The following DOCK9 variants were observed in gnomAD, a reference collection of about 807,000 sequenced individuals.
DOCK9 encodes the protein dedicator of cytokinesis 9.
DOCK9 carries 89 observed loss-of-function variants against 263.3 expected under a neutral mutation model. The observed-to-expected ratio is 0.34, with a 90% CI of 0.28 to 0.40. DOCK9 has a LOEUF of 0.40. Among genes scored for constraint, DOCK9 ranks in the 10% least tolerant of loss-of-function variants. DOCK9 has a pLI of 1.00. For synonymous variants in DOCK9, 976 were observed against 973.1 expected (o/e 1.00, Z -0.06); for missense variants, 2,140 against 2,603.4 (o/e 0.82, Z 3.87).
intron 1 of DOCK9, among the ~76,000 whole-genome samples, chr13:99,054,792 T>C (rs958534395): frequency 3.3e-5 from 5 of 152,190 alleles, no homozygotes; most frequent in African/African-American, 1.2e-4. Flanking sequence ...CAGGCTGAAG[T>C]TAAGGGATGA....
intron 45 of DOCK9, among the ~76,000 whole-genome samples, chr13:98,816,079 GC>G (rs1235040014): frequency 6.6e-6 from 1 of 152,068 alleles, no homozygotes; most frequent in African/African-American, 2.4e-5. Context: ...TATTTATCAA[GC>G]ATCTACTACA....
chr13:99,047,549 C>T (rs1384622292), intron 1 of DOCK9, among the ~76,000 whole-genome samples: 3 of 139,968 alleles, frequency 2.1e-5, no homozygotes, highest in Non-Finnish European at 3.0e-5. Flanking sequence ...GACGGAGTCT[C>T]GCCCAGTCGC....
At chr13:99,000,507 T>C (rs1882081993) in intron 1 of DOCK9, among the ~76,000 whole-genome samples, 1 of 152,116 alleles carries the variant, frequency 6.6e-6, no homozygotes, top group Non-Finnish European at 1.5e-5. Context: ...TAGGACACCA[T>C]TAAAAATCTC....
intron 1 of DOCK9, among the ~76,000 whole-genome samples, chr13:99,032,075 G>A (rs1039419604): frequency 6.6e-6 from 1 of 152,216 alleles, no homozygotes; most frequent in Non-Finnish European, 1.5e-5. Flanking sequence ...TAACCCATCA[G>A]AGTCATCAAT....
rs1420419753 is a variant in DOCK9 at position 98,888,182 on chromosome 13, A to G, written c.2019T>C (p.Asp673=). Residue 673 remains aspartate (D), a synonymous_variant, in exon 18 of 53, where the codon GAT becomes GAC. Transcript: ENST00000682017. ...IAICIEFKDS[D]EEDSQPLKCI... is the part of the protein sequence containing the mutation. The stretch of plus-strand genomic sequence containing the variant: ...CCTTAAGGGGCTGAGAGTCTTCCTC[A>G]TCTGAATCTTTGAATTCAATGCAAA... 1.9e-6 allele frequency: 3 copies of G among 1,608,906 alleles called. No homozygotes were observed. The highest frequency in any genetic ancestry group is 2.2e-5 in the East Asian group (1 of 44,784).
chr13:99,005,930 A>C (rs958473853), intron 1 of DOCK9, among the ~76,000 whole-genome samples: 9 of 152,250 alleles, frequency 5.9e-5, no homozygotes. Flanking sequence ...CCTGAGGGGA[A>C]AAGACAAATA....
intron 1 of DOCK9, among the ~76,000 whole-genome samples, chr13:98,975,885 G>A (rs1297974000): frequency 6.6e-6 from 1 of 152,210 alleles, no homozygotes; most frequent in Non-Finnish European, 1.5e-5. Flanking sequence ...GAATAGTACT[G>A]CCACAAACAG....
chr13:98,998,685 T>C (rs772852628), intron 1 of DOCK9, among the ~76,000 whole-genome samples: 10 of 152,060 alleles, frequency 6.6e-5, no homozygotes, highest in Non-Finnish European at 1.5e-4. Context: ...GGGGCTGAGA[T>C]TAGGCTGCAT....
upstream of DOCK9, among the ~76,000 whole-genome samples, chr13:98,982,046 G>T (rs142416292): frequency 9.2e-5 from 14 of 152,248 alleles, no homozygotes; most frequent in South Asian, 2.1e-3. Flanking sequence ...CTATGAACAC[G>T]TATGAAAGGT....
At chr13:99,083,177 T>A (rs1447144842) in intron 1 of DOCK9, among the ~76,000 whole-genome samples, 2 of 151,348 alleles carry the variant, frequency 1.3e-5, no homozygotes, top group African/African-American at 4.9e-5. Context: ...ATCACCTGAA[T>A]CTGGGAGGCG....
At chr13:98,819,103 G>A (rs1310835551) in intron 45 of DOCK9, among the ~76,000 whole-genome samples, 1 of 152,122 alleles carries the variant, frequency 6.6e-6, no homozygotes, top group Non-Finnish European at 1.5e-5. Flanking sequence ...GTACAGTTGA[G>A]GACCACTTAC....
At chr13:99,064,641 A>C (rs1169949066) in intron 1 of DOCK9, among the ~76,000 whole-genome samples, 2 of 152,256 alleles carry the variant, frequency 1.3e-5, no homozygotes, top group African/African-American at 4.8e-5. Flanking sequence ...TTATGAGCTT[A>C]CTATTTTTAA....
chr13:98,891,780 G>A (rs1446923680), intron 15 of DOCK9, among the ~76,000 whole-genome samples: 2 of 148,542 alleles, frequency 1.3e-5, no homozygotes, highest in African/African-American at 4.9e-5. Context: ...TCTGAGTTTA[G>A]TTCCATATTA....
chr13:98,936,762 T>C (rs1164224490), intron 2 of DOCK9, among the ~76,000 whole-genome samples: 1 of 152,198 alleles, frequency 6.6e-6, no homozygotes, highest in Non-Finnish European at 1.5e-5. Context: ...TGGTCCATTA[T>C]AGGAACTGAC....
intron 2 of DOCK9, among the ~76,000 whole-genome samples, chr13:98,940,201 T>A (rs7322807): frequency 0.18 from 28,150 of 152,228 alleles, 2,844 homozygotes; most frequent in Non-Finnish European, 0.22. Context: ...ACCCACGATG[T>A]TCTATTAACA....
At chr13:98,831,243 G>T in intron 41 of DOCK9, 105 bp downstream of exon 41, 2 of 1,274,272 alleles carry the variant, frequency 1.6e-6, no homozygotes, top group Non-Finnish European at 2.1e-6. Context: ...AGATCTTGCA[G>T]TATCTTTATG....
At chr13:99,062,442 C>G (rs2041233332) in intron 1 of DOCK9, among the ~76,000 whole-genome samples, 2 of 152,140 alleles carry the variant, frequency 1.3e-5, no homozygotes, top group African/African-American at 4.8e-5. Context: ...GATCTCTGGT[C>G]TGACAAGTTT....
At chr13:99,068,199 T>A (rs1055801663) in intron 1 of DOCK9, among the ~76,000 whole-genome samples, 2 of 152,246 alleles carry the variant, frequency 1.3e-5, no homozygotes, top group African/African-American at 4.8e-5. Context: ...TCAACACCAA[T>A]GTGTTTAGTA....
At chr13:98,957,888 C>G (rs1303412143) in intron 1 of DOCK9, among the ~76,000 whole-genome samples, 2 of 152,190 alleles carry the variant, frequency 1.3e-5, no homozygotes, top group African/African-American at 2.4e-5. Context: ...TGCCCCATAA[C>G]CACAGGCCAG....
Sources: allele counts gnomAD v4.1 joint callset (sites outside exome capture counted in the v4.1 genomes callset), GRCh38; gene constraint gnomAD v4.1.1; transcripts MANE v1.5; gene names NCBI Gene and HGNC (gene_info 2026-07-23, HGNC 2026-07-21).